Variants in SGCZ observed in about 807,000 individuals in gnomAD.
The protein encoded by SGCZ is zeta-sarcoglycan.
In SGCZ, 40 loss-of-function variants were observed where a neutral mutation model predicts 41.3. That is an observed-to-expected ratio of 0.97 (90% CI 0.75 to 1.26). SGCZ has a LOEUF of 1.26. SGCZ is among the 50% of genes most tolerant of loss of function. The probability of loss-of-function intolerance (pLI) is 0.00; values close to 1 mark genes in which losing one functional copy is unlikely to be tolerated. For synonymous variants in SGCZ, 206 were observed against 137.5 expected (o/e 1.50, Z -3.49); for missense variants, 552 against 369.8 (o/e 1.49, Z -4.04).
At chr8:15,016,494 G>T (rs985398156) in intron 1 of SGCZ, among the ~76,000 whole-genome samples, 2 of 152,124 alleles carry the variant, frequency 1.3e-5, no homozygotes, top group African/African-American at 4.8e-5. Context: ...AGAGAGAAGA[G>T]ACACAAAGAA....
chr8:14,388,371 T>C (rs1008354566), intron 2 of SGCZ, among the ~76,000 whole-genome samples: 11 of 152,002 alleles, frequency 7.2e-5, no homozygotes, highest in Admixed American at 3.3e-4. Flanking sequence ...CAACAATGCC[T>C]GTGACTCAAA....
intron 2 of SGCZ, among the ~76,000 whole-genome samples, chr8:14,333,000 A>G (rs1436901026): frequency 6.6e-6 from 1 of 151,648 alleles, no homozygotes; most frequent in Non-Finnish European, 1.5e-5. Flanking sequence ...TATTCAATCC[A>G]GTAGGAACAC....
At chr8:14,544,623 A>G (rs1010456728) in intron 2 of SGCZ, among the ~76,000 whole-genome samples, 2 of 151,986 alleles carry the variant, frequency 1.3e-5, no homozygotes, top group African/African-American at 4.8e-5. Flanking sequence ...TGAGATAAGG[A>G]CTGAGATACA....
rs558576257 is a variant in SGCZ at position 14,905,593 on chromosome 8, CCA to C, written c.39+331990_39+331991del. ...AAGTGCACCAGAGAAAAATCTCTGC[CCA>C]CACACAAACTAGGAAAATTATTCTA... On this transcript the variant is annotated intron_variant, in intron 1 of 7. Transcript: ENST00000382080. Among the ~76,000 whole-genome samples the C allele has an allele frequency of 2.2e-3, 340 of 151,876 alleles. 2 individuals carry two copies. The highest frequency in any genetic ancestry group is 7.8e-3 in the African/African-American group (324 of 41,430).
intron 3 of SGCZ, among the ~76,000 whole-genome samples, chr8:14,285,218 T>C (rs912972952): frequency 9.9e-5 from 15 of 152,258 alleles, no homozygotes; most frequent in African/African-American, 3.1e-4. Context: ...AATATATGTG[T>C]CATTTCATTC....
At chr8:14,632,301 G>A (rs1806684269) in intron 1 of SGCZ, among the ~76,000 whole-genome samples, 2 of 152,026 alleles carry the variant, frequency 1.3e-5, no homozygotes, top group African/African-American at 4.8e-5. Flanking sequence ...AGGATTACAG[G>A]CCTGAGCCAC....
At chr8:15,013,938 T>C (rs779752910) in intron 1 of SGCZ, among the ~76,000 whole-genome samples, 6 of 152,190 alleles carry the variant, frequency 3.9e-5, no homozygotes, top group African/African-American at 1.2e-4. Flanking sequence ...ATTATTGTAA[T>C]TGATATTTTT....
chr8:14,672,908 T>C (rs1392683892), intron 1 of SGCZ, among the ~76,000 whole-genome samples: 1 of 152,188 alleles, frequency 6.6e-6, no homozygotes, highest in Non-Finnish European at 1.5e-5. Context: ...TCACATGGTC[T>C]ATGCTGCAAC....
At chr8:14,647,500 A>T (rs13257353) in intron 1 of SGCZ, among the ~76,000 whole-genome samples, 2 of 151,744 alleles carry the variant, frequency 1.3e-5, no homozygotes, top group African/African-American at 4.8e-5. Flanking sequence ...AAAATAAAAC[A>T]TATCTATGTA....
chr8:14,148,075 TA>T (rs1803582703), intron 5 of SGCZ, among the ~76,000 whole-genome samples: 1 of 152,094 alleles, frequency 6.6e-6, no homozygotes, highest in African/African-American at 2.4e-5. Context: ...GGGACCATTA[TA>T]GATATAAGTG....
chr8:14,538,789 C>G lies in SGCZ; in HGVS notation c.234+15943G>C, dbSNP rs192613521. Among the ~76,000 whole-genome samples, 18 of 151,912 alleles carry G rather than the reference C, an allele frequency of 1.2e-4. 1 individual carries two copies. The East Asian group carries it at 3.5e-3, about 30-fold the overall frequency. ...GCTATATGCTGTGTTAAGGAGCCAG[C>G]TGGACTTTATCTGTTAGGCAATGAA... On this transcript the variant is annotated intron_variant, in intron 2 of 7. Transcript: ENST00000382080.
intron 1 of SGCZ, among the ~76,000 whole-genome samples, chr8:14,897,622 T>C (rs1482702257): frequency 6.6e-6 from 1 of 152,216 alleles, no homozygotes; most frequent in African/African-American, 2.4e-5. Flanking sequence ...CTATAGATCA[T>C]AATGAAGTCC....
intron 1 of SGCZ, among the ~76,000 whole-genome samples, chr8:15,190,594 A>G (rs766748216): frequency 4.0e-4 from 61 of 151,992 alleles, no homozygotes; most frequent in Non-Finnish European, 5.7e-4. Flanking sequence ...GAATGGTGCA[A>G]ATCTACAGGT....
At chr8:14,330,481 T>C (rs905096839) in intron 2 of SGCZ, among the ~76,000 whole-genome samples, 3 of 152,134 alleles carry the variant, frequency 2.0e-5, no homozygotes, top group Admixed American at 6.5e-5. Context: ...GAAATACTTA[T>C]TGGAATTTCT....
In SGCZ at chr8:15,071,731, C is replaced by A. The variant is rs10503529; in HGVS notation, c.39+165854G>T. On this transcript the variant is annotated intron_variant, in intron 1 of 7. Transcript: ENST00000382080. ...TTAAAATAAAGACCAGCTTTTGTAA[C>A]CTTCTGGGAGTAGCATAATCAGATG... Among the ~76,000 whole-genome samples, 58 of 152,214 alleles carry A rather than the reference C, an allele frequency of 3.8e-4. No homozygotes were observed. In the South Asian group the frequency reaches 7.3e-3, roughly 19 times the overall value.
At chr8:14,900,398 A>T (rs1798933314) in intron 1 of SGCZ, among the ~76,000 whole-genome samples, 1 of 152,084 alleles carries the variant, frequency 6.6e-6, no homozygotes, top group Non-Finnish European at 1.5e-5. Context: ...AAGCTACCCC[A>T]CAGTCAGTTC....
intron 3 of SGCZ, among the ~76,000 whole-genome samples, chr8:14,291,959 G>A (rs934902600): frequency 1.3e-5 from 2 of 152,026 alleles, no homozygotes; most frequent in Non-Finnish European, 2.9e-5. Flanking sequence ...TCAGCCAGAA[G>A]AAAGGAGATA....
intron 1 of SGCZ, among the ~76,000 whole-genome samples, chr8:14,973,260 T>C (rs570382986): frequency 3.3e-5 from 5 of 152,258 alleles, no homozygotes; most frequent in South Asian, 4.1e-4. Flanking sequence ...TCGAGGAAGA[T>C]AGTACCCCAT....
intron 1 of SGCZ, among the ~76,000 whole-genome samples, chr8:14,796,738 C>T (rs190742611): frequency 6.6e-6 from 1 of 152,274 alleles, no homozygotes; most frequent in East Asian, 1.9e-4. Flanking sequence ...GTGTCCCCAT[C>T]CAAATCTCAT....
Sources: allele counts gnomAD v4.1 joint callset (sites outside exome capture counted in the v4.1 genomes callset), GRCh38; gene constraint gnomAD v4.1.1; transcripts MANE v1.5; gene names NCBI Gene and HGNC (gene_info 2026-07-23, HGNC 2026-07-21).